Variants in ANXA13 observed in about 807,000 individuals in gnomAD.
The protein encoded by ANXA13 is annexin XIII.
ANXA13 carries 36 observed loss-of-function variants against 46.6 expected under a neutral mutation model. The ratio of observed to expected loss-of-function variants is 0.77; its 90% confidence interval spans 0.59 to 1.02. The LOEUF is 1.02. Among genes scored for constraint, ANXA13 ranks in the 50% least tolerant of loss-of-function variants. ANXA13 has a pLI of 0.00. For synonymous variants in ANXA13, 163 were observed against 152.9 expected (o/e 1.07, Z -0.49); for missense variants, 417 against 396.5 (o/e 1.05, Z -0.44).
intron 2 of ANXA13, among the ~76,000 whole-genome samples, chr8:123,703,175 A>G (rs752597519): frequency 6.6e-6 from 1 of 152,270 alleles, no homozygotes; most frequent in South Asian, 2.1e-4. Context: ...ATTTGGCCAG[A>G]AAAAGGAATA....
intron 2 of ANXA13, among the ~76,000 whole-genome samples, chr8:123,706,840 C>G (rs912993338): frequency 1.3e-5 from 2 of 152,220 alleles, no homozygotes; most frequent in East Asian, 3.9e-4. Context: ...CTACTTTCCA[C>G]CCACTTTGTA....
At chr8:123,699,307 G>A (rs1428137035) in intron 3 of ANXA13, among the ~76,000 whole-genome samples, 5 of 152,148 alleles carry the variant, frequency 3.3e-5, no homozygotes, top group Non-Finnish European at 5.9e-5. Flanking sequence ...AGCCTCCCAA[G>A]TAGCTGAGAC....
chr8:123,723,169 C>T (rs935003373), intron 1 of ANXA13, among the ~76,000 whole-genome samples: 32 of 152,116 alleles, frequency 2.1e-4, no homozygotes, highest in Non-Finnish European at 4.1e-4. Flanking sequence ...TCCCAAGGGG[C>T]CCATCAGTGG....
In ANXA13 at chr8:123,712,741, T is replaced by C. The variant is rs886687738; in HGVS notation, c.28A>G (p.Ser10Gly). 6.2e-7 allele frequency: 1 copy of C among 1,614,214 alleles called. No individual in the cohort carries two copies. The highest frequency in any genetic ancestry group is 8.5e-7 in the Non-Finnish European group (1 of 1,180,010). Residue 10 changes from serine to glycine, a missense_variant, in exon 2 of 11, where the codon AGT becomes GGT. Ser to Gly is a moderately conservative substitution (Grantham distance 56). Coordinates refer to ENST00000419625, the MANE Select transcript of ANXA13 (RefSeq NM_004306.4). ...CGATCCACATCAAAACCCTGAGGACTGCTCGCTTTAGCCTGGAGAAAATAA... is the reference window on the plus strand; with the variant it reads ...CGATCCACATCAAAACCCTGAGGACCGCTCGCTTTAGCCTGGAGAAAATAA... MGNRHAKAS[S>G]PQGFDVDRDA...
chr8:123,688,317 G>A (rs1220568554), intron 9 of ANXA13, among the ~76,000 whole-genome samples: 1 of 152,196 alleles, frequency 6.6e-6, no homozygotes, highest in Non-Finnish European at 1.5e-5. Flanking sequence ...CTGCCACCAT[G>A]TAAGCTGTGC....
At chr8:123,717,996 A>G (rs911612513) in intron 1 of ANXA13, among the ~76,000 whole-genome samples, 1 of 152,256 alleles carries the variant, frequency 6.6e-6, no homozygotes, top group Non-Finnish European at 1.5e-5. Context: ...GCTTGCGCCC[A>G]GAGAAAGAGT....
chr8:123,728,518 CA>C (rs1374059813), intron 1 of ANXA13: 2 of 151,944 alleles, frequency 1.3e-5, no homozygotes, highest in East Asian at 3.9e-4. Flanking sequence ...TCATTACTTG[CA>C]GGAAAAAAGG....
intron 8 of ANXA13, among the ~76,000 whole-genome samples, chr8:123,692,132 T>C (rs1272747828): frequency 6.6e-6 from 1 of 152,050 alleles, no homozygotes; most frequent in Non-Finnish European, 1.5e-5. Context: ...TGGCAACACA[T>C]AGGAAATGCT....
At chr8:123,706,310 T>G (rs1188100297) in intron 2 of ANXA13, among the ~76,000 whole-genome samples, 1 of 152,248 alleles carries the variant, frequency 6.6e-6, no homozygotes, top group Admixed American at 6.5e-5. Flanking sequence ...TGTAAATATC[T>G]CTTGAGCCTA....
At chr8:123,684,816 C>G in intron 9 of ANXA13, 94 bp from the exon 10 acceptor site, 1 of 857,744 alleles carries the variant, frequency 1.2e-6, no homozygotes, top group Non-Finnish European at 2.0e-6. Context: ...GCCCTTCGAG[C>G]TGACTGGATG....
intron 4 of ANXA13, among the ~76,000 whole-genome samples, chr8:123,698,136 A>C (rs940260612): frequency 1.3e-5 from 2 of 152,218 alleles, no homozygotes; most frequent in Non-Finnish European, 2.9e-5. Flanking sequence ...TAAAAGCATC[A>C]GTTTAGAAAA....
At chr8:123,721,669 T>A (rs1437251491) in intron 1 of ANXA13, among the ~76,000 whole-genome samples, 1 of 152,186 alleles carries the variant, frequency 6.6e-6, no homozygotes, top group Non-Finnish European at 1.5e-5. Context: ...AGAAATCACT[T>A]TGTACTCATA....
intron 1 of ANXA13, among the ~76,000 whole-genome samples, chr8:123,720,973 C>G (rs1813859356): frequency 6.6e-6 from 1 of 152,142 alleles, no homozygotes; most frequent in African/African-American, 2.4e-5. Context: ...CTCCAGATCT[C>G]TAGAACGAAT....
At chr8:123,735,738 GA>G in intron 1 of ANXA13, 1 of 1,604,700 alleles carries the variant, frequency 6.2e-7, no homozygotes, top group South Asian at 1.1e-5. Context: ...GATTTGGGGG[GA>G]AAATAAAGTG....
At chr8:123,717,771 C>T (rs1434400905) in intron 1 of ANXA13, among the ~76,000 whole-genome samples, 1 of 152,132 alleles carries the variant, frequency 6.6e-6, no homozygotes, top group Non-Finnish European at 1.5e-5. Flanking sequence ...GGGAGTAGGC[C>T]GAGGCGACTT....
chr8:123,736,098 T>C (rs1814261182), intron 1 of ANXA13, among the ~76,000 whole-genome samples: 1 of 152,234 alleles, frequency 6.6e-6, no homozygotes, highest in Non-Finnish European at 1.5e-5. Flanking sequence ...TCTGCTGGTA[T>C]GAAAATGCTA....
chr8:123,717,331 C>T (rs1813775410), intron 1 of ANXA13, among the ~76,000 whole-genome samples: 1 of 152,102 alleles, frequency 6.6e-6, no homozygotes, highest in Non-Finnish European at 1.5e-5. Flanking sequence ...TTAGTCCTTC[C>T]CCTGTCTCTT....
At chr8:123,727,416 C>T (rs558654186) in intron 1 of ANXA13, among the ~76,000 whole-genome samples, 5 of 152,204 alleles carry the variant, frequency 3.3e-5, no homozygotes, top group African/African-American at 1.2e-4. Context: ...GATCCAGTGA[C>T]ATAAAGACAT....
At chr8:123,727,381 G>A (rs1002256431) in intron 1 of ANXA13, among the ~76,000 whole-genome samples, 1 of 151,850 alleles carries the variant, frequency 6.6e-6, no homozygotes, top group African/African-American at 2.4e-5. Context: ...GGGCCAGAAG[G>A]GCAGGAATGG....
Sources: gnomAD v4.1 joint callset for allele counts (sites outside exome capture counted in the v4.1 genomes callset) on GRCh38, gnomAD v4.1.1 for gene constraint, MANE v1.5 for transcripts, NCBI Gene and HGNC (gene_info 2026-07-23, HGNC 2026-07-21) for gene names.